Variants in ME2 observed in about 807,000 individuals in gnomAD.
ME2 encodes NAD-dependent malic enzyme, mitochondrial.
Under a neutral mutation model 73.7 loss-of-function variants are expected in ME2, and 60 were observed. The ratio of observed to expected loss-of-function variants is 0.81; its 90% CI spans 0.66 to 1.01. The LOEUF is 1.01. Ranked by LOEUF, ME2 falls within the 50% of genes least tolerant of loss-of-function variation. ME2 has a pLI of 0.00. For synonymous variants in ME2, 199 were observed against 236.9 expected (o/e 0.84, Z 1.47); for missense variants, 594 against 705.5 (o/e 0.84, Z 1.79).
At chr18:50,892,340 A>C (rs551355511) in intron 1 of ME2, among the ~76,000 whole-genome samples, 1 of 152,276 alleles carries the variant, frequency 6.6e-6, no homozygotes, top group Non-Finnish European at 1.5e-5. Context: ...GTGCCACTGC[A>C]CTCTAGCCTG....
intron 1 of ME2, among the ~76,000 whole-genome samples, chr18:50,880,886 AAAC>A (rs567776922): frequency 2.3e-3 from 349 of 152,304 alleles, no homozygotes; most frequent in Middle Eastern, 0.01. Context: ...ATATTTATGA[AAAC>A]AAAATATTCA....
intron 1 of ME2, among the ~76,000 whole-genome samples, chr18:50,891,844 C>T (rs1175610367): frequency 1.3e-5 from 2 of 149,142 alleles, no homozygotes; most frequent in Non-Finnish European, 1.5e-5. Flanking sequence ...GATGGGGTCT[C>T]ACTCTGTCAT....
intron 15 of ME2, among the ~76,000 whole-genome samples, chr18:50,940,830 C>T (rs1408368916): frequency 1.3e-5 from 2 of 152,112 alleles, no homozygotes; most frequent in African/African-American, 2.4e-5. Flanking sequence ...TAAGTCTTTT[C>T]CATGTAACTT....
chr18:50,911,942 A>G (rs1293107618), intron 3 of ME2, among the ~76,000 whole-genome samples: 2 of 152,168 alleles, frequency 1.3e-5, no homozygotes, highest in Non-Finnish European at 2.9e-5. Context: ...TTTGAGGTAA[A>G]TCAGCTGAGA....
chr18:50,949,557 C>T lies in ME2; in HGVS notation c.*2373C>T, dbSNP rs1918173299. Reference sequence around the variant, plus strand: ...AAACAAAATCACGCCTAAACATACTCTCTGTGTGAAATCTTGATTTTAGTT... The same window carrying T: ...AAACAAAATCACGCCTAAACATACTTTCTGTGTGAAATCTTGATTTTAGTT... On this transcript the variant is annotated 3_prime_UTR_variant, in exon 16 of 16. Coordinates refer to ENST00000321341, the MANE Select transcript of ME2 (RefSeq NM_002396.5). 6.6e-6 allele frequency: 1 copy of T among 152,148 alleles called. No individual in the cohort carries two copies. The highest frequency in any genetic ancestry group is 2.1e-4 in the South Asian group (1 of 4,828). The allele number at this position is 152,148 out of a possible 1,614,324, so 9.4% of individuals were successfully genotyped here. A position where few individuals can be genotyped will look rare whatever the true frequency, so the allele number is the denominator to read the frequency against.
At chr18:50,920,413 G>A in intron 7 of ME2, 43 bp from the exon 8 acceptor site, 1 of 1,280,588 alleles carries the variant, frequency 7.8e-7, no homozygotes, top group Non-Finnish European at 1.1e-6. Flanking sequence ...CTGTTTAATA[G>A]TGTTATTTTC....
intron 6 of ME2, among the ~76,000 whole-genome samples, 161 bp from the exon 7 acceptor site, chr18:50,917,949 T>A (rs1257917430): frequency 6.6e-6 from 1 of 152,180 alleles, no homozygotes; most frequent in Non-Finnish European, 1.5e-5. Flanking sequence ...CCAGCCTGGG[T>A]GACAAGAGTG....
chr18:50,916,236 A>G lies in ME2; in HGVS notation c.461A>G (p.His154Arg), dbSNP rs1166067966. 3 of 1,610,614 alleles carry G rather than the reference A, an allele frequency of 1.9e-6. No individual in the cohort carries two copies. The highest frequency in any genetic ancestry group is 4.5e-5 in the East Asian group (2 of 44,774). Reference protein sequence around the residue: ...RSIVDNWPENHVKAVVVTDGE... With the variant: ...RSIVDNWPENRVKAVVVTDGE... ...ATTGTGGATAACTGGCCAGAAAATC[A>G]TGTTAAGGTACTAATAGCACAACCC... The change falls in exon 5 of 16, where the codon CAT (histidine) becomes CGT (arginine). Residue 154 changes from histidine to arginine, a missense_variant. Physicochemically the swap from His to Arg is conservative, Grantham distance 29. Coordinates refer to ENST00000321341, the MANE Select transcript of ME2 (RefSeq NM_002396.5).
intron 11 of ME2, among the ~76,000 whole-genome samples, chr18:50,925,415 G>A (rs1363495736): frequency 6.6e-6 from 1 of 152,188 alleles, no homozygotes; most frequent in Non-Finnish European, 1.5e-5. Flanking sequence ...GGAGGGAGAG[G>A]TTGCAGTGAG....
intron 1 of ME2, 50 bp downstream of exon 1, chr18:50,879,358 G>T (rs1916254699): frequency 6.6e-6 from 1 of 151,638 alleles, no homozygotes. Flanking sequence ...AGAGGAGCGG[G>T]CGCCGGCCTC....
At chr18:50,939,474 G>A (rs1917893901) in intron 13 of ME2, 96 bp from the exon 14 acceptor site, 1 of 767,806 alleles carries the variant, frequency 1.3e-6, no homozygotes, top group African/African-American at 1.7e-5. Flanking sequence ...TGTTTGCGAT[G>A]TGGATGGATT....
intron 4 of ME2, among the ~76,000 whole-genome samples, chr18:50,914,467 A>G (rs1237443746): frequency 1.3e-5 from 2 of 152,212 alleles, no homozygotes; most frequent in Non-Finnish European, 1.5e-5. Flanking sequence ...GACTTGAAAC[A>G]TGAAGAGCAT....
At chr18:50,881,565 C>T (rs1443466297) in intron 1 of ME2, among the ~76,000 whole-genome samples, 1 of 152,140 alleles carries the variant, frequency 6.6e-6, no homozygotes, top group Admixed American at 6.5e-5. Context: ...AAAATATATT[C>T]TGTATATACT....
intron 12 of ME2, among the ~76,000 whole-genome samples, 183 bp from the exon 13 acceptor site, chr18:50,932,075 A>G (rs1299951239): frequency 6.6e-6 from 1 of 152,240 alleles, no homozygotes; most frequent in Non-Finnish European, 1.5e-5. Flanking sequence ...TATACTACAC[A>G]TGAAACAAAC....
chr18:50,933,978 T>A (rs1402710116), intron 13 of ME2: 1 of 152,208 alleles, frequency 6.6e-6, no homozygotes, highest in Non-Finnish European at 1.5e-5. Flanking sequence ...TGCATGTTAC[T>A]GCAAAGGACG....
At chr18:50,903,502 G>A (rs537164356) in intron 2 of ME2, among the ~76,000 whole-genome samples, 4 of 152,072 alleles carry the variant, frequency 2.6e-5, no homozygotes, top group Non-Finnish European at 5.9e-5. Context: ...CCAGGCAGAA[G>A]TATAGTGGCA....
chr18:50,918,051 GTATGTGTTT>G, intron 6 of ME2, 50 bp from the exon 7 acceptor site: 1 of 1,048,558 alleles, frequency 9.5e-7, no homozygotes, highest in Non-Finnish European at 1.3e-6. Context: ...AATTTTTATT[GTATGTGTTT>G]AAACTGATTA....
chr18:50,907,777 A>T (rs944531207), intron 2 of ME2, among the ~76,000 whole-genome samples: 5 of 152,176 alleles, frequency 3.3e-5, no homozygotes, highest in Non-Finnish European at 7.3e-5. Context: ...GGCTCCCTGG[A>T]AGTCAGATTG....
intron 13 of ME2, among the ~76,000 whole-genome samples, chr18:50,936,271 A>G (rs559461879): frequency 1.3e-5 from 2 of 152,342 alleles, no homozygotes; most frequent in South Asian, 4.1e-4. Context: ...CACAGTGAAA[A>G]TATCCTTCAA....
Sources: allele counts gnomAD v4.1 joint callset (sites outside exome capture counted in the v4.1 genomes callset), GRCh38; gene constraint gnomAD v4.1.1; transcripts MANE v1.5; gene names NCBI Gene and HGNC (gene_info 2026-07-23, HGNC 2026-07-21).